Variants in TMEM132C observed in about 807,000 individuals in gnomAD.
TMEM132C encodes the protein transmembrane protein 132C, also known as protein phosphatase 1, regulatory subunit 152.
Under a neutral mutation model 61.4 loss-of-function variants are expected in TMEM132C, and 29 were observed. The observed-to-expected ratio is 0.47, with a 90% CI of 0.35 to 0.64. TMEM132C has a LOEUF of 0.64. Ranked by LOEUF, TMEM132C falls within the 30% of genes least tolerant of loss-of-function variation. The pLI, the probability that TMEM132C is intolerant of heterozygous loss-of-function variation, is 0.00. For missense variants in TMEM132C, 1,408 were observed against 1,476.9 expected, an observed-to-expected ratio of 0.95 and a Z score of 0.76; for synonymous variants, 656 against 633.1, an observed-to-expected ratio of 1.04 and a Z score of -0.54.
At chr12:128,517,881 G>A (rs74898388) in intron 2 of TMEM132C, among the ~76,000 whole-genome samples, 2,260 of 152,226 alleles carry the variant, frequency 0.015, 48 homozygotes, top group African/African-American at 0.051. Context: ...GTGTAATGCC[G>A]GGGAGGAAGG....
At chr12:128,691,162 A>G (rs985086090) in intron 5 of TMEM132C, among the ~76,000 whole-genome samples, 2 of 152,250 alleles carry the variant, frequency 1.3e-5, no homozygotes, top group South Asian at 2.1e-4. Flanking sequence ...GAAATACTCC[A>G]CTAAACTGTA....
chr12:128,333,819 T>C (rs2135947397), intron 1 of TMEM132C, among the ~76,000 whole-genome samples: 1 of 151,672 alleles, frequency 6.6e-6, no homozygotes, highest in South Asian at 2.1e-4. Flanking sequence ...GTGTTGTATG[T>C]GTGAGAGTTT....
intron 1 of TMEM132C, among the ~76,000 whole-genome samples, chr12:128,357,564 A>G (rs1419974836): frequency 1.7e-4 from 26 of 151,746 alleles, no homozygotes; most frequent in Admixed American, 1.3e-3. Flanking sequence ...GTGTGGTGGC[A>G]TGTGCCTGTA....
Position 128,298,879 on chromosome 12 carries a change from C to T in TMEM132C, c.85+31392C>T, listed in dbSNP as rs142428526. 1.5e-3 allele frequency among the ~76,000 whole-genome samples: 233 copies of T among 152,318 alleles called. 1 individual carries two copies. The highest frequency in any genetic ancestry group is 5.1e-3 in the African/African-American group (212 of 41,574). ...TTTCCCTGGATTGCAGATATGTGCT[C>T]ATACATGTTGTCCCCATTTAACTTG... On this transcript the variant is annotated intron_variant, in intron 1 of 8. Transcript: ENST00000435159.
chr12:128,463,124 T>C (rs1165963546), intron 2 of TMEM132C, among the ~76,000 whole-genome samples: 4 of 152,162 alleles, frequency 2.6e-5, no homozygotes, highest in African/African-American at 9.6e-5. Context: ...AAAGCTAGCC[T>C]GGAGGTCTTC....
chr12:128,629,970 T>TTA (rs550837270), intron 4 of TMEM132C, among the ~76,000 whole-genome samples: 1 of 135,018 alleles, frequency 7.4e-6, no homozygotes, highest in Non-Finnish European at 1.6e-5. Context: ...CCGTCTAAAT[T>TTA]AAAAAAAAAA....
intron 2 of TMEM132C, among the ~76,000 whole-genome samples, chr12:128,480,246 AAAG>A (rs1871276286): frequency 1.3e-5 from 2 of 152,308 alleles, no homozygotes; most frequent in East Asian, 3.9e-4. Context: ...GGCAACAAAG[AAAG>A]AAAAAATCTC....
rs866433655 is a variant in TMEM132C at position 128,608,732 on chromosome 12, T to C, written c.1122-7420T>C. Reference sequence around the variant, plus strand: ...TGAGTGTCACCTCTCAAGATTCTGATTCTGTTAGTGTAGGGTAGACACAGC... The same window carrying C: ...TGAGTGTCACCTCTCAAGATTCTGACTCTGTTAGTGTAGGGTAGACACAGC... On this transcript the variant is annotated intron_variant, in intron 3 of 8. Coordinates refer to ENST00000435159, the MANE Select transcript of TMEM132C (RefSeq NM_001136103.3). 1.3e-3 allele frequency among the ~76,000 whole-genome samples: 198 copies of C among 152,356 alleles called. 1 individual carries two copies. Among genetic ancestry groups the C allele is most frequent in the African/African-American group, 4.7e-3 (196 of 41,580 alleles).
chr12:128,384,127 G>A (rs1207334293), intron 1 of TMEM132C, among the ~76,000 whole-genome samples: 2 of 152,206 alleles, frequency 1.3e-5, no homozygotes, highest in African/African-American at 2.4e-5. Flanking sequence ...CAAGGGAAGA[G>A]TCAGGTGGGC....
chr12:128,562,813 G>A (rs1874570819), intron 3 of TMEM132C, among the ~76,000 whole-genome samples: 1 of 152,202 alleles, frequency 6.6e-6, no homozygotes, highest in African/African-American at 2.4e-5. Flanking sequence ...GGTTCATCAA[G>A]ATAGAGCAGA....
At chr12:128,291,064 G>T (rs1871232613) in intron 1 of TMEM132C, among the ~76,000 whole-genome samples, 1 of 152,140 alleles carries the variant, frequency 6.6e-6, no homozygotes, top group Admixed American at 6.5e-5. Context: ...CTCCTGGTGA[G>T]GTGAGGTCCT....
intron 1 of TMEM132C, among the ~76,000 whole-genome samples, chr12:128,325,669 C>G (rs1392338839): frequency 2.0e-5 from 3 of 152,112 alleles, no homozygotes; most frequent in Admixed American, 2.0e-4. Flanking sequence ...TCCCTGTATG[C>G]TTTTACATCG....
chr12:128,327,501 A>G (rs1324406615), intron 1 of TMEM132C, among the ~76,000 whole-genome samples: 3 of 139,546 alleles, frequency 2.1e-5, no homozygotes, highest in Non-Finnish European at 4.4e-5. Flanking sequence ...TCCTGCCTCA[A>G]CCTCCCGAGT....
intron 1 of TMEM132C, among the ~76,000 whole-genome samples, chr12:128,340,985 C>G (rs1400427015): frequency 6.6e-6 from 1 of 150,898 alleles, no homozygotes; most frequent in African/African-American, 2.4e-5. Context: ...GAGTCTCACT[C>G]TGTCACCTAG....
chr12:128,460,655 G>C (rs1870501371), intron 2 of TMEM132C, among the ~76,000 whole-genome samples: 1 of 152,142 alleles, frequency 6.6e-6, no homozygotes, highest in Admixed American at 6.5e-5. Flanking sequence ...ATGGGCGTTG[G>C]ACAAGCCAAA....
Position 128,705,844 on chromosome 12 carries a change from T to C in TMEM132C, c.2876T>C (p.Leu959Pro). 6.4e-7 allele frequency: 1 copy of C among 1,551,642 alleles called. No individual in the cohort carries two copies. The highest frequency in any genetic ancestry group is 8.7e-7 in the Non-Finnish European group (1 of 1,147,042). ...ALKYRHKQVP[L>P]EGQASMTHSH... ...AAGTACAGGCACAAGCAAGTGCCCC[T>C]GGAAGGTCAGGCCTCCATGACCCAC... Residue 959 changes from leucine to proline, a missense_variant, in exon 9 of 9, where the codon CTG becomes CCG. By Grantham distance (98) the Leu-to-Pro change is moderately conservative. Coordinates refer to ENST00000435159, the MANE Select transcript of TMEM132C (RefSeq NM_001136103.3).
chr12:128,612,063 A>G (rs1876653282), intron 3 of TMEM132C, among the ~76,000 whole-genome samples: 1 of 152,250 alleles, frequency 6.6e-6, no homozygotes, highest in Non-Finnish European at 1.5e-5. Context: ...ATGTACAAAA[A>G]TAAAGAGACA....
chr12:128,554,508 G>A (rs529202252), intron 3 of TMEM132C, among the ~76,000 whole-genome samples: 397 of 152,324 alleles, frequency 2.6e-3, no homozygotes, highest in Non-Finnish European at 4.2e-3. Flanking sequence ...CAAACAAAAC[G>A]TATATTGTTC....
chr12:128,322,868 C>T (rs1872379975), intron 1 of TMEM132C, among the ~76,000 whole-genome samples: 2 of 152,068 alleles, frequency 1.3e-5, no homozygotes, highest in African/African-American at 4.8e-5. Context: ...GGAGAGATAT[C>T]CATTGAAATG....
Sources: gnomAD v4.1 joint callset for allele counts (sites outside exome capture counted in the v4.1 genomes callset) on GRCh38, gnomAD v4.1.1 for gene constraint, MANE v1.5 for transcripts, NCBI Gene and HGNC (gene_info 2026-07-23, HGNC 2026-07-21) for gene names.